SND1: variants seen among roughly 807,000 people sequenced by gnomAD.
The protein encoded by SND1 is staphylococcal nuclease and tudor domain containing 1.
Under a neutral mutation model 121.7 loss-of-function variants are expected in SND1, and 38 were observed. That is an observed-to-expected ratio of 0.31 (90% confidence interval 0.24 to 0.41). SND1 has a LOEUF of 0.41. Among genes scored for constraint, SND1 ranks in the 10% least tolerant of loss-of-function variants. SND1 has a pLI of 1.00. For missense variants in SND1, 868 were observed against 1,184.6 expected, an observed-to-expected ratio of 0.73 and a Z score of 3.92; for synonymous variants, 401 against 447.4, an observed-to-expected ratio of 0.90 and a Z score of 1.31.
intron 1 of SND1, among the ~76,000 whole-genome samples, chr7:127,676,448 C>T (rs1481673414): frequency 6.6e-6 from 1 of 152,120 alleles, no homozygotes; most frequent in Non-Finnish European, 1.5e-5. Context: ...CTTGAGTTTG[C>T]GTTCAAACTC....
chr7:127,898,086 T>C (rs1313569334), intron 13 of SND1, among the ~76,000 whole-genome samples: 2 of 152,148 alleles, frequency 1.3e-5, no homozygotes, highest in Non-Finnish European at 2.9e-5. Context: ...ATCTCTAGCA[T>C]TGAGTTGGTT....
chr7:128,030,334 C>T, intron 16 of SND1: 2 of 1,614,090 alleles, frequency 1.2e-6, no homozygotes, highest in East Asian at 2.2e-5. Context: ...AACTGCAGGA[C>T]CTCCAGGTGG....
intron 15 of SND1, among the ~76,000 whole-genome samples, chr7:127,985,470 C>T (rs1390243212): frequency 6.6e-6 from 1 of 152,198 alleles, no homozygotes; most frequent in African/African-American, 2.4e-5. Flanking sequence ...CTTGGCCAGG[C>T]TGGTCTCAAA....
chr7:127,876,603 A>G (rs1290103158), intron 12 of SND1, among the ~76,000 whole-genome samples: 5 of 152,166 alleles, frequency 3.3e-5, no homozygotes, highest in Non-Finnish European at 5.9e-5. Flanking sequence ...TTACACAATG[A>G]TGAATCATAC....
intron 13 of SND1, among the ~76,000 whole-genome samples, chr7:127,893,078 C>T (rs757386404): frequency 2.0e-5 from 3 of 152,070 alleles, no homozygotes; most frequent in Non-Finnish European, 2.9e-5. Context: ...GGGAATATTC[C>T]GTATATCCTT....
intron 15 of SND1, among the ~76,000 whole-genome samples, chr7:127,938,104 C>G (rs180815753): frequency 1.2e-4 from 19 of 152,276 alleles, no homozygotes; most frequent in African/African-American, 3.6e-4. Context: ...CTGTTGGGTC[C>G]CATTACTAGA....
At chr7:127,766,655 G>A (rs746455036) in intron 10 of SND1, among the ~76,000 whole-genome samples, 5 of 150,794 alleles carry the variant, frequency 3.3e-5, no homozygotes, top group Admixed American at 1.3e-4. Context: ...GGCACCTGTA[G>A]TCCCAGCTAC....
chr7:127,746,666 G>A (rs924420558), intron 10 of SND1, among the ~76,000 whole-genome samples: 4 of 152,064 alleles, frequency 2.6e-5, no homozygotes, highest in African/African-American at 9.7e-5. Flanking sequence ...TTATGTGGGC[G>A]GCCTTTTCTT....
At chr7:128,058,745 A>C (rs748712040) in intron 16 of SND1, among the ~76,000 whole-genome samples, 7 of 152,108 alleles carry the variant, frequency 4.6e-5, no homozygotes, top group Non-Finnish European at 8.8e-5. Context: ...ACAAGCTTCC[A>C]CATGCATCAT....
intron 13 of SND1, among the ~76,000 whole-genome samples, chr7:127,889,511 A>G (rs1799971297): frequency 1.3e-5 from 2 of 152,070 alleles, no homozygotes; most frequent in Admixed American, 1.3e-4. Flanking sequence ...CCTTCATGTT[A>G]CAAACAATCT....
At chr7:128,048,724 A>G (rs896701862) in intron 16 of SND1, among the ~76,000 whole-genome samples, 1 of 152,148 alleles carries the variant, frequency 6.6e-6, no homozygotes, top group Non-Finnish European at 1.5e-5. Context: ...GCAGAAAGCT[A>G]TTAGAAAAGG....
Position 128,089,868 on chromosome 7 carries a change from T to C in SND1, c.2622+176T>C, listed in dbSNP as rs75223552. The C allele has an allele frequency of 8.5e-4, 533 of 630,532 alleles. 4 individuals carry two copies. In the East Asian group the frequency reaches 0.013, roughly 16 times the overall value. The allele number at this position is 630,532 out of a possible 1,614,324, so 39.1% of individuals were successfully genotyped here. On this transcript the variant is annotated intron_variant, in intron 22 of 23. Transcript: ENST00000354725. ...TGTTTTTGTTTTAAAGCTAATTACATCCCAAATTAATTGGCTGCGGGTTTG... is the reference window on the plus strand; with the variant it reads ...TGTTTTTGTTTTAAAGCTAATTACACCCCAAATTAATTGGCTGCGGGTTTG...
At chr7:127,830,510 C>T (rs1798719568) in intron 11 of SND1, among the ~76,000 whole-genome samples, 1 of 152,164 alleles carries the variant, frequency 6.6e-6, no homozygotes, top group Admixed American at 6.5e-5. Flanking sequence ...GTTTCCCTCA[C>T]TTTTCTTCCC....
intron 16 of SND1, among the ~76,000 whole-genome samples, chr7:128,035,643 T>A (rs1485654111): frequency 6.6e-6 from 1 of 152,238 alleles, no homozygotes; most frequent in Admixed American, 6.5e-5. Context: ...CATTTAAACC[T>A]GGGCCTTGAA....
At chr7:127,746,187 C>T (rs1458902453) in intron 10 of SND1, among the ~76,000 whole-genome samples, 1 of 152,156 alleles carries the variant, frequency 6.6e-6, no homozygotes, top group Non-Finnish European at 1.5e-5. Flanking sequence ...CATCTTAGAA[C>T]TCCTTTTTTA....
intron 16 of SND1, among the ~76,000 whole-genome samples, chr7:128,011,228 T>C (rs73232972): frequency 0.21 from 31,760 of 151,790 alleles, 3,701 homozygotes; most frequent in Middle Eastern, 0.31. Context: ...CAAGAAGAGC[T>C]AGAAATAGAG....
intron 16 of SND1, among the ~76,000 whole-genome samples, chr7:128,069,836 C>T (rs1793377445): frequency 6.6e-6 from 1 of 152,154 alleles, no homozygotes; most frequent in South Asian, 2.1e-4. Context: ...AGTCTGGAGC[C>T]AGAGTCCACA....
At chr7:127,819,528 G>A (rs532553285) in intron 11 of SND1, among the ~76,000 whole-genome samples, 11 of 152,290 alleles carry the variant, frequency 7.2e-5, no homozygotes, top group Admixed American at 2.6e-4. Context: ...TTGACTCTGA[G>A]GAGGGCCACC....
chr7:127,906,334 C>A (rs142531155), intron 14 of SND1, among the ~76,000 whole-genome samples: 7 of 152,070 alleles, frequency 4.6e-5, no homozygotes, highest in Non-Finnish European at 8.8e-5. Flanking sequence ...TCATCCAGTG[C>A]GATGTTACTT....
Sources: gnomAD v4.1 joint callset for allele counts (sites outside exome capture counted in the v4.1 genomes callset) on GRCh38, gnomAD v4.1.1 for gene constraint, MANE v1.5 for transcripts, NCBI Gene and HGNC (gene_info 2026-07-23, HGNC 2026-07-21) for gene names.